Variants in PIK3CA observed in about 807,000 individuals in gnomAD.
The protein encoded by PIK3CA is phosphatidylinositol-4,5-bisphosphate 3-kinase catalytic subunit alpha.
A neutral mutation model predicts 138.2 loss-of-function variants in PIK3CA; 27 were observed. That is an observed-to-expected ratio of 0.20 (90% CI 0.14 to 0.27). PIK3CA has a LOEUF of 0.27. PIK3CA is among the 10% of genes least tolerant of loss of function. PIK3CA has a pLI of 1.00. For missense variants in PIK3CA, 544 were observed against 1,277.4 expected, an observed-to-expected ratio of 0.43 and a Z score of 8.75; for synonymous variants, 358 against 413.2, an observed-to-expected ratio of 0.87 and a Z score of 1.62.
chr3:179,221,894 G>A (rs923151307), intron 14 of PIK3CA, among the ~76,000 whole-genome samples: 6 of 151,716 alleles, frequency 4.0e-5, no homozygotes, highest in African/African-American at 1.5e-4. Flanking sequence ...TTTTAGTAGA[G>A]ACAGTGTTTC....
At chr3:179,191,928 A>C (rs1724147230) in intron 1 of PIK3CA, among the ~76,000 whole-genome samples, 1 of 152,186 alleles carries the variant, frequency 6.6e-6, no homozygotes, top group Non-Finnish European at 1.5e-5. Flanking sequence ...ATGAGCCACC[A>C]CGCCTGGCCT....
At chr3:179,182,070 C>T (rs1364402695) in intron 1 of PIK3CA, among the ~76,000 whole-genome samples, 1 of 152,182 alleles carries the variant, frequency 6.6e-6, no homozygotes, top group Admixed American at 6.5e-5. Flanking sequence ...CCTCTTTACT[C>T]CCTAGTGACG....
chr3:179,170,560 C>G (rs920651283), intron 1 of PIK3CA, among the ~76,000 whole-genome samples: 2 of 152,056 alleles, frequency 1.3e-5, no homozygotes, highest in African/African-American at 4.8e-5. Context: ...TTTTTATCAT[C>G]AAAATAAATG....
At chr3:179,184,070 G>A (rs1219493733) in intron 1 of PIK3CA, among the ~76,000 whole-genome samples, 3 of 152,184 alleles carry the variant, frequency 2.0e-5, no homozygotes, top group Admixed American at 2.0e-4. Context: ...CAGAAGACGA[G>A]CATTGCCCCT....
chr3:179,203,185 C>G (rs553216300), intron 4 of PIK3CA, among the ~76,000 whole-genome samples: 1 of 152,162 alleles, frequency 6.6e-6, no homozygotes, highest in East Asian at 1.9e-4. Flanking sequence ...CGTGATCCGC[C>G]CGCCTCGGCC....
chr3:179,227,539 A>C (rs980268617), intron 17 of PIK3CA, among the ~76,000 whole-genome samples: 3 of 152,068 alleles, frequency 2.0e-5, no homozygotes, highest in African/African-American at 7.2e-5. Flanking sequence ...CAAGGGGGTT[A>C]AAAGAATAAG....
At chr3:179,170,060 G>A (rs542268153) in intron 1 of PIK3CA, among the ~76,000 whole-genome samples, 4 of 84,254 alleles carry the variant, frequency 4.7e-5, no homozygotes, top group Admixed American at 1.4e-4. Context: ...GCACATGCGC[G>A]TGCACACGCG....
At position 179,220,335 on chromosome 3, in the gene PIK3CA, G is replaced by C. The variant is rs1724936934; in HGVS notation, c.2015+283G>C. ...AATTTTCTAGGTCCAGATGAATATTGCTGTAGGTTTCACTGTGTGTATGGA... is the reference window on the plus strand; with the variant it reads ...AATTTTCTAGGTCCAGATGAATATTCCTGTAGGTTTCACTGTGTGTATGGA... On this transcript the variant is annotated intron_variant, in intron 13 of 20. Coordinates refer to ENST00000263967, the MANE Select transcript of PIK3CA (RefSeq NM_006218.4). The surrounding 1 kb of genome is among the most constrained non-coding windows in gnomAD (Gnocchi z 4.1). 6.6e-6 allele frequency among the ~76,000 whole-genome samples: 1 copy of C among 152,018 alleles called. No homozygotes were observed. Among genetic ancestry groups the C allele is most frequent in the African/African-American group, 2.4e-5 (1 of 41,402 alleles).
Position 179,219,424 on chromosome 3 carries a change from T to G in PIK3CA, c.1746+147T>G. The G allele has an allele frequency of 1.5e-6, 1 of 683,004 alleles. No homozygotes were observed. Among genetic ancestry groups the G allele is most frequent in the Non-Finnish European group, 2.5e-6 (1 of 403,584 alleles). The allele number at this position is 683,004 out of a possible 1,614,324, so 42.3% of individuals were successfully genotyped here. On this transcript the variant is annotated intron_variant, in intron 11 of 20. Transcript: ENST00000263967. This position sits in a 1 kb window ranked among gnomAD's most constrained non-coding sequence, Gnocchi z 4.2. ...AAAAACACCCTTAACATTATTTCCATAGATAAAACTAATTAGAACTGTAAA... is the reference window on the plus strand; with the variant it reads ...AAAAACACCCTTAACATTATTTCCAGAGATAAAACTAATTAGAACTGTAAA...
intron 1 of PIK3CA, among the ~76,000 whole-genome samples, chr3:179,189,083 AC>A (rs1173988278): frequency 6.6e-6 from 1 of 152,018 alleles, no homozygotes; most frequent in Non-Finnish European, 1.5e-5. Context: ...GCATGGTAGC[AC>A]ATGCTTGTAG....
chr3:179,150,014 TG>T (rs1487253479), intron 1 of PIK3CA, among the ~76,000 whole-genome samples: 12 of 120,336 alleles, frequency 1.0e-4, no homozygotes, highest in Admixed American at 2.4e-4. Context: ...AAGTTTTTGG[TG>T]TTTTTTTTTT....
intron 6 of PIK3CA, among the ~76,000 whole-genome samples, chr3:179,205,641 AAC>A (rs1724540525): frequency 6.6e-6 from 1 of 152,196 alleles, no homozygotes; most frequent in Admixed American, 6.5e-5. Flanking sequence ...AGTTATGGGG[AAC>A]ATTTTAAATT....
At chr3:179,158,059 G>A (rs1723183466) in intron 1 of PIK3CA, among the ~76,000 whole-genome samples, 1 of 152,058 alleles carries the variant, frequency 6.6e-6, no homozygotes, top group Non-Finnish European at 1.5e-5. Flanking sequence ...ATTTATTTGG[G>A]TGCTTTAACA....
At position 179,236,412 on chromosome 3, in the gene PIK3CA, T is replaced by C; in HGVS notation, c.*2048T>C. 4.7e-6 allele frequency: 1 copy of C among 212,282 alleles called. No individual in the cohort carries two copies. Among genetic ancestry groups the C allele is most frequent in the Non-Finnish European group, 9.6e-6 (1 of 103,772 alleles). 13.1% of individuals were successfully genotyped at this position (212,282 alleles called of 1,614,324 possible). A position where few individuals can be genotyped will look rare whatever the true frequency, so the allele number is the denominator to read the frequency against. On this transcript the variant is annotated 3_prime_UTR_variant, in exon 21 of 21. Transcript: ENST00000263967. Reference sequence around the variant, plus strand: ...ATTAAAACTTATTAACATTTTGTGTTGTTTAGATATAGGCAGTTGATACAT... The same window carrying C: ...ATTAAAACTTATTAACATTTTGTGTCGTTTAGATATAGGCAGTTGATACAT...
intron 3 of PIK3CA, among the ~76,000 whole-genome samples, chr3:179,200,908 C>A (rs371947809): frequency 2.0e-5 from 3 of 152,138 alleles, no homozygotes; most frequent in Non-Finnish European, 4.4e-5. Context: ...TTGGTTCTTT[C>A]TTTACTTCCC....
chr3:179,192,373 C>G (rs1055710807), intron 1 of PIK3CA, among the ~76,000 whole-genome samples: 30 of 152,194 alleles, frequency 2.0e-4, no homozygotes, highest in African/African-American at 6.8e-4. Flanking sequence ...AGAATTACTC[C>G]ACAAAAAGTT....
chr3:179,194,237 T>A (rs887848773), intron 1 of PIK3CA, among the ~76,000 whole-genome samples: 7 of 152,178 alleles, frequency 4.6e-5, no homozygotes, highest in South Asian at 2.1e-4. Context: ...ATTTTATTTT[T>A]TTTGGAGACA....
rs2108394436 is a variant in PIK3CA at position 179,204,548 on chromosome 3, G to A, written c.1105G>A (p.Asp369Asn). The A allele has an allele frequency of 6.3e-7, 1 of 1,592,886 alleles. No individual in the cohort carries two copies. The highest frequency in any genetic ancestry group is 8.6e-7 in the Non-Finnish European group (1 of 1,161,064). ...GIYHGGEPLCDNVNTQRVPCS... is the reference protein window; with the variant it reads ...GIYHGGEPLCNNVNTQRVPCS... Reference sequence around the variant, plus strand: ...CTACCATGGAGGAGAACCCTTATGTGACAATGTGAACACTCAAAGAGTACC... The same window carrying A: ...CTACCATGGAGGAGAACCCTTATGTAACAATGTGAACACTCAAAGAGTACC... The change falls in exon 6 of 21, where the codon GAC (aspartate) becomes AAC (asparagine). Residue 369 changes from aspartate to asparagine, a missense_variant. Asp to Asn is a conservative substitution (Grantham distance 23). Transcript: ENST00000263967.
intron 1 of PIK3CA, among the ~76,000 whole-genome samples, chr3:179,181,164 A>C (rs1356779615): frequency 6.6e-6 from 1 of 152,208 alleles, no homozygotes. Flanking sequence ...AAAAGCAGAC[A>C]GATGGACAGT....
Sources: gnomAD v4.1 joint callset for allele counts (sites outside exome capture counted in the v4.1 genomes callset) on GRCh38, gnomAD v4.1.1 for gene constraint, Gnocchi (gnomAD v3.1) non-coding constraint, MANE v1.5 for transcripts, NCBI Gene and HGNC (gene_info 2026-07-23, HGNC 2026-07-21) for gene names.